Variants in RBFOX1 observed in about 807,000 individuals in gnomAD.
RBFOX1 encodes the protein RNA binding protein fox-1 homolog 1.
Under a neutral mutation model 57.7 loss-of-function variants are expected in RBFOX1, and 8 were observed. The ratio of observed to expected loss-of-function variants is 0.14; its 90% confidence interval spans 0.08 to 0.25. RBFOX1 has a LOEUF of 0.25. Among genes scored for constraint, RBFOX1 ranks in the 10% least tolerant of loss-of-function variants. RBFOX1 has a pLI of 1.00. For missense variants in RBFOX1, 611 were observed against 548.5 expected (o/e 1.11, Z -1.14); for synonymous variants, 326 against 222.4 (o/e 1.47, Z -4.15).
At chr16:6,773,180 G>GTGTGTT (rs1603619361) in intron 3 of RBFOX1, among the ~76,000 whole-genome samples, 1 of 107,372 alleles carries the variant, frequency 9.3e-6, no homozygotes, top group Non-Finnish European at 1.8e-5. Context: ...TTGTGTGTGT[G>GTGTGTT]TGTGTGGGCA....
At chr16:7,318,687 G>A (rs2096489321) in intron 4 of RBFOX1, among the ~76,000 whole-genome samples, 1 of 152,132 alleles carries the variant, frequency 6.6e-6, no homozygotes, top group Non-Finnish European at 1.5e-5. Context: ...TTAACAAAAA[G>A]GTACCTAGTG....
intron 4 of RBFOX1, among the ~76,000 whole-genome samples, chr16:7,085,071 G>C (rs1395468300): frequency 6.6e-6 from 1 of 151,524 alleles, no homozygotes; most frequent in Non-Finnish European, 1.5e-5. Flanking sequence ...TATTGTAAAA[G>C]TTCTATATGA....
intron 1 of RBFOX1, among the ~76,000 whole-genome samples, chr16:6,305,740 G>C (rs568510204): frequency 1.3e-5 from 2 of 150,660 alleles, no homozygotes; most frequent in Admixed American, 1.3e-4. Flanking sequence ...TTGGATAATT[G>C]TGGCCAGAGA....
chr16:6,439,830 C>T (rs577854033), intron 2 of RBFOX1, among the ~76,000 whole-genome samples: 35 of 152,134 alleles, frequency 2.3e-4, no homozygotes, highest in African/African-American at 7.5e-4. Context: ...GGTGAGCATC[C>T]GACCCAGGGA....
At chr16:5,281,846 T>C (rs529828788) in intron 1 of RBFOX1, among the ~76,000 whole-genome samples, 2 of 152,378 alleles carry the variant, frequency 1.3e-5, no homozygotes, top group South Asian at 2.1e-4. Context: ...TTGTAGATGT[T>C]GTTGGATCAT....
chr16:6,338,806 T>C (rs573347187), intron 2 of RBFOX1, among the ~76,000 whole-genome samples: 4 of 152,220 alleles, frequency 2.6e-5, no homozygotes, highest in African/African-American at 9.6e-5. Context: ...TACGGAACAA[T>C]TTGAACCTGT....
chr16:7,003,118 G>A (rs150952239), intron 3 of RBFOX1, among the ~76,000 whole-genome samples: 6 of 152,088 alleles, frequency 3.9e-5, no homozygotes, highest in East Asian at 1.9e-4. Context: ...GGAGCATTGC[G>A]TAAAATGGGT....
intron 3 of RBFOX1, among the ~76,000 whole-genome samples, chr16:5,785,981 C>T (rs1163067463): frequency 1.3e-5 from 2 of 152,170 alleles, no homozygotes; most frequent in Non-Finnish European, 2.9e-5. Context: ...TCCTTACCTC[C>T]TTCTCTTGCC....
intron 3 of RBFOX1, among the ~76,000 whole-genome samples, chr16:6,718,399 A>G (rs889676887): frequency 1.3e-5 from 2 of 152,174 alleles, no homozygotes; most frequent in African/African-American, 4.8e-5. Flanking sequence ...ATATAATTAC[A>G]AGTTTTGAAA....
At chr16:6,428,877 G>T (rs961568574) in intron 2 of RBFOX1, among the ~76,000 whole-genome samples, 1 of 152,318 alleles carries the variant, frequency 6.6e-6, no homozygotes, top group East Asian at 1.9e-4. Flanking sequence ...TGTTTTACTA[G>T]AGATTTATTA....
At chr16:6,244,327 C>T (rs1352259772) in intron 1 of RBFOX1, among the ~76,000 whole-genome samples, 2 of 152,084 alleles carry the variant, frequency 1.3e-5, no homozygotes, top group Non-Finnish European at 2.9e-5. Context: ...CTGCTCAACC[C>T]AGCCTTCAAA....
intron 1 of RBFOX1, among the ~76,000 whole-genome samples, chr16:6,137,495 G>A (rs1304932336): frequency 6.6e-6 from 1 of 151,928 alleles, no homozygotes; most frequent in Non-Finnish European, 1.5e-5. Context: ...TAGTAGACAC[G>A]GGGTTTCACC....
intron 3 of RBFOX1, among the ~76,000 whole-genome samples, chr16:5,743,888 G>T (rs909077912): frequency 2.0e-5 from 3 of 152,104 alleles, no homozygotes; most frequent in Non-Finnish European, 2.9e-5. Context: ...TTAATGATAG[G>T]CATGATGTCA....
chr16:7,520,123 G>A (rs1290374431), intron 5 of RBFOX1, among the ~76,000 whole-genome samples: 1 of 151,986 alleles, frequency 6.6e-6, no homozygotes, highest in Non-Finnish European at 1.5e-5. Context: ...CTGACCTCGC[G>A]ATCTGCCTGT....
At chr16:5,572,604 C>A (rs1005285519) in intron 2 of RBFOX1, among the ~76,000 whole-genome samples, 1 of 152,152 alleles carries the variant, frequency 6.6e-6, no homozygotes, top group African/African-American at 2.4e-5. Flanking sequence ...AGGTTGAGAA[C>A]CCCTGATCTG....
At chr16:6,513,606 C>A (rs147049027) in intron 2 of RBFOX1, among the ~76,000 whole-genome samples, 1 of 152,120 alleles carries the variant, frequency 6.6e-6, no homozygotes, top group African/African-American at 2.4e-5. Flanking sequence ...GGGTGGCACA[C>A]GCCTGTAATG....
intron 4 of RBFOX1, among the ~76,000 whole-genome samples, chr16:7,182,082 A>G (rs965820219): frequency 3.3e-5 from 5 of 152,232 alleles, no homozygotes; most frequent in Non-Finnish European, 5.9e-5. Flanking sequence ...AGTCTTCAGA[A>G]GCTTGTTCAT....
At chr16:6,909,999 T>C (rs1448669614) in intron 3 of RBFOX1, among the ~76,000 whole-genome samples, 1 of 151,964 alleles carries the variant, frequency 6.6e-6, no homozygotes, top group Non-Finnish European at 1.5e-5. Context: ...TTGAAAGGTG[T>C]TGTTTGTTTG....
intron 1 of RBFOX1, among the ~76,000 whole-genome samples, chr16:6,140,143 T>A (rs768503836): frequency 3.0e-4 from 45 of 152,096 alleles, no homozygotes; most frequent in South Asian, 4.1e-4. Context: ...TACTACTGTC[T>A]GATAATTCGT....
Sources: gnomAD v4.1 joint callset for allele counts (sites outside exome capture counted in the v4.1 genomes callset) on GRCh38, gnomAD v4.1.1 for gene constraint, MANE v1.5 for transcripts, NCBI Gene and HGNC (gene_info 2026-07-23, HGNC 2026-07-21) for gene names.